Variants in LRMDA observed in about 807,000 individuals in gnomAD.
LRMDA encodes leucine rich melanocyte differentiation associated, also known as leucine-rich melanocyte differentiation-associated protein.
LRMDA carries 18 observed loss-of-function variants against 29.8 expected under a neutral mutation model. The ratio of observed to expected loss-of-function variants is 0.60; its 90% CI spans 0.42 to 0.90. The LOEUF (loss-of-function observed/expected upper bound fraction) is 0.90, where lower values mean the gene tolerates loss of function less well. Among genes scored for constraint, LRMDA ranks in the 40% least tolerant of loss-of-function variants. LRMDA has a pLI of 0.00. For missense variants in LRMDA, 273 were observed against 273.9 expected (o/e 1.00, Z 0.02); for synonymous variants, 125 against 109.4 (o/e 1.14, Z -0.89).
intron 2 of LRMDA, among the ~76,000 whole-genome samples, chr10:75,733,628 T>A (rs995407366): frequency 6.6e-6 from 1 of 152,170 alleles, no homozygotes; most frequent in Non-Finnish European, 1.5e-5. Flanking sequence ...TGAGAGGTCA[T>A]GTGTTCATTT....
chr10:75,475,636 C>A (rs571231800), intron 2 of LRMDA, among the ~76,000 whole-genome samples: 15 of 152,262 alleles, frequency 9.9e-5, no homozygotes, highest in East Asian at 9.7e-4. Flanking sequence ...AAAATATAAA[C>A]CTTTCTCCTA....
intron 2 of LRMDA, among the ~76,000 whole-genome samples, chr10:75,675,348 T>C (rs1224144724): frequency 5.3e-5 from 8 of 152,210 alleles, no homozygotes; most frequent in Admixed American, 5.2e-4. Flanking sequence ...AAAAGTCCTT[T>C]CCTAGAAGAA....
At chr10:75,923,719 A>G (rs1318019842) in intron 2 of LRMDA, among the ~76,000 whole-genome samples, 1 of 152,102 alleles carries the variant, frequency 6.6e-6, no homozygotes, top group Non-Finnish European at 1.5e-5. Context: ...AAATAGGAGA[A>G]AATAATTTTA....
chr10:75,821,297 A>G (rs769464093), intron 2 of LRMDA, among the ~76,000 whole-genome samples: 3 of 152,246 alleles, frequency 2.0e-5, no homozygotes, highest in Non-Finnish European at 4.4e-5. Context: ...CCAATAGCAC[A>G]TAAAAAAGAT....
At chr10:75,696,914 T>A (rs1842242184) in intron 2 of LRMDA, among the ~76,000 whole-genome samples, 1 of 152,206 alleles carries the variant, frequency 6.6e-6, no homozygotes, top group Non-Finnish European at 1.5e-5. Flanking sequence ...CAGATCTCAG[T>A]TTGTCCAGGT....
At chr10:75,847,000 A>C (rs1221921776) in intron 2 of LRMDA, among the ~76,000 whole-genome samples, 1 of 152,196 alleles carries the variant, frequency 6.6e-6, no homozygotes, top group African/African-American at 2.4e-5. Flanking sequence ...AAATAGAAAA[A>C]GCTATTCTAA....
chr10:75,762,831 C>G (rs994720136), intron 2 of LRMDA, among the ~76,000 whole-genome samples: 1 of 151,974 alleles, frequency 6.6e-6, no homozygotes, highest in Admixed American at 6.6e-5. Flanking sequence ...TATATGAGAC[C>G]TCTCATAATG....
At chr10:75,532,831 G>A (rs1203840554) in intron 2 of LRMDA, among the ~76,000 whole-genome samples, 2 of 152,062 alleles carry the variant, frequency 1.3e-5, no homozygotes, top group African/African-American at 4.8e-5. Context: ...TATTTTTAAT[G>A]AGCTCCGTGG....
chr10:75,612,277 C>T (rs979288682), intron 2 of LRMDA, among the ~76,000 whole-genome samples: 4 of 152,152 alleles, frequency 2.6e-5, no homozygotes, highest in Admixed American at 6.5e-5. Flanking sequence ...TGCTCTGAAC[C>T]GTGCTGGGCC....
intron 5 of LRMDA, among the ~76,000 whole-genome samples, chr10:76,276,150 CTGT>C (rs1213891263): frequency 6.7e-6 from 1 of 149,150 alleles, no homozygotes; most frequent in Non-Finnish European, 1.5e-5. Context: ...TCTGTTTTTG[CTGT>C]TGTTGTTGAG....
At chr10:76,102,131 C>T (rs1234353124) in intron 5 of LRMDA, among the ~76,000 whole-genome samples, 1 of 152,108 alleles carries the variant, frequency 6.6e-6, no homozygotes, top group Non-Finnish European at 1.5e-5. Context: ...CTGAATAATA[C>T]TCCTTTGTAT....
At chr10:76,318,094 T>G (rs1281942538) in intron 5 of LRMDA, among the ~76,000 whole-genome samples, 1 of 152,240 alleles carries the variant, frequency 6.6e-6, no homozygotes, top group Non-Finnish European at 1.5e-5. Flanking sequence ...ATGGTTTTAT[T>G]TTTGTCTTCT....
intron 2 of LRMDA, among the ~76,000 whole-genome samples, chr10:75,793,686 A>G (rs1347987982): frequency 6.6e-6 from 1 of 152,176 alleles, no homozygotes; most frequent in African/African-American, 2.4e-5. Context: ...TGTTGCTGAA[A>G]GATCTTTCAG....
At chr10:76,516,741 G>A (rs973805248) in intron 6 of LRMDA, among the ~76,000 whole-genome samples, 4 of 152,014 alleles carry the variant, frequency 2.6e-5, no homozygotes, top group East Asian at 3.9e-4. Context: ...CCAGTCTATC[G>A]TTGTTGGACA....
intron 2 of LRMDA, among the ~76,000 whole-genome samples, chr10:75,453,968 A>G (rs975155257): frequency 1.3e-5 from 2 of 152,242 alleles, no homozygotes; most frequent in African/African-American, 2.4e-5. Flanking sequence ...CCCAGGGAAT[A>G]TGATCTGTTT....
chr10:76,323,809 G>T (rs1249083014), intron 5 of LRMDA, among the ~76,000 whole-genome samples: 1 of 152,158 alleles, frequency 6.6e-6, no homozygotes, highest in Non-Finnish European at 1.5e-5. Flanking sequence ...TGACACATTT[G>T]TTGATAACCA....
At chr10:75,463,544 G>A (rs1248467261) in intron 2 of LRMDA, among the ~76,000 whole-genome samples, 3 of 151,778 alleles carry the variant, frequency 2.0e-5, no homozygotes, top group Admixed American at 6.6e-5. Context: ...CTGGAGTGCA[G>A]TGGTGGGATC....
chr10:75,762,646 CCA>C (rs1383031470), intron 2 of LRMDA, among the ~76,000 whole-genome samples: 2 of 152,190 alleles, frequency 1.3e-5, no homozygotes, highest in Non-Finnish European at 2.9e-5. Flanking sequence ...CCTCTCTGAG[CCA>C]CAGTTTCCTT....
intron 2 of LRMDA, among the ~76,000 whole-genome samples, chr10:75,770,652 A>G (rs970484004): frequency 2.0e-5 from 3 of 152,160 alleles, no homozygotes; most frequent in African/African-American, 7.2e-5. Context: ...ATAAAACCAT[A>G]TTGGCCTTGT....
Sources: allele counts gnomAD v4.1 joint callset (sites outside exome capture counted in the v4.1 genomes callset), GRCh38; gene constraint gnomAD v4.1.1; transcripts MANE v1.5; gene names NCBI Gene and HGNC (gene_info 2026-07-23, HGNC 2026-07-21).